The following LIN7A variants were observed in gnomAD, a reference collection of about 807,000 sequenced individuals.
The protein encoded by LIN7A is lin-7 cell polarity scaffold A.
LIN7A carries 25 observed loss-of-function variants against 29.8 expected under a neutral mutation model. That is an observed-to-expected ratio of 0.84 (90% CI 0.61 to 1.17). The LOEUF is 1.17. Among genes scored for constraint, LIN7A ranks in the 50% most tolerant of loss-of-function variants. The pLI, the probability that LIN7A is intolerant of heterozygous loss-of-function variation, is 0.00. For missense variants in LIN7A, 239 were observed against 287.0 expected (o/e 0.83, Z 1.21); for synonymous variants, 118 against 107.5 (o/e 1.10, Z -0.60).
At chr12:80,847,971 G>A (rs1332388624) in intron 3 of LIN7A, 4 of 494,048 alleles carry the variant, frequency 8.1e-6, no homozygotes, top group Non-Finnish European at 1.1e-5. Context: ...AAATCATATA[G>A]TATTTCACAC....
intron 1 of LIN7A, chr12:80,935,787 C>A: frequency 2.0e-6 from 1 of 509,654 alleles, no homozygotes; most frequent in South Asian, 1.4e-5. Flanking sequence ...ACTGCATGTA[C>A]GTAATTACAC....
chr12:80,859,367 T>C (rs4842364), intron 2 of LIN7A, among the ~76,000 whole-genome samples: 64,867 of 152,056 alleles, frequency 0.43, 14,285 homozygotes, highest in East Asian at 0.68. Context: ...CAGACAATGT[T>C]GTTTGAGTCA....
At chr12:80,824,322 T>C (rs902275700) in intron 4 of LIN7A, among the ~76,000 whole-genome samples, 1 of 151,992 alleles carries the variant, frequency 6.6e-6, no homozygotes, top group Non-Finnish European at 1.5e-5. Flanking sequence ...CAGGAAAATA[T>C]AGAATCTCTG....
chr12:80,933,903 T>C (rs149615088), intron 1 of LIN7A, among the ~76,000 whole-genome samples: 32 of 152,300 alleles, frequency 2.1e-4, no homozygotes, highest in African/African-American at 7.0e-4. Flanking sequence ...TGTGTGTTCA[T>C]TGTGTGACTC....
At chr12:80,906,458 T>A (rs1294588894) in intron 1 of LIN7A, among the ~76,000 whole-genome samples, 1 of 152,136 alleles carries the variant, frequency 6.6e-6, no homozygotes, top group Non-Finnish European at 1.5e-5. Flanking sequence ...CTCTTTCACC[T>A]GTTGTCTTTG....
intron 1 of LIN7A, chr12:80,937,277 G>A: frequency 4.5e-6 from 1 of 222,238 alleles, no homozygotes; most frequent in African/African-American, 2.3e-5. Flanking sequence ...GGGCGAGCTT[G>A]CTCTCTGCCC....
In LIN7A at chr12:80,833,098, C is replaced by T. The variant is rs575094677; in HGVS notation, c.483+12632G>A. 7.9e-5 allele frequency among the ~76,000 whole-genome samples: 12 copies of T among 152,320 alleles called. No homozygotes were observed. In the South Asian group the frequency reaches 2.1e-3, roughly 26 times the overall value. ...TTTTTAAGTGTTCTACTTCGAAATG[C>T]TGTCAGTTTGATAGAGCTCAGTTAA... On this transcript the variant is annotated intron_variant, in intron 4 of 5. Transcript: ENST00000552864.
chr12:80,843,525 C>A (rs747414190), intron 4 of LIN7A, among the ~76,000 whole-genome samples: 6 of 152,098 alleles, frequency 3.9e-5, no homozygotes, highest in African/African-American at 1.4e-4. Flanking sequence ...GCAGAGTTTG[C>A]CATAAGACTT....
At chr12:80,893,688 G>A (rs1240560732) in intron 1 of LIN7A, among the ~76,000 whole-genome samples, 1 of 152,132 alleles carries the variant, frequency 6.6e-6, no homozygotes, top group Non-Finnish European at 1.5e-5. Flanking sequence ...GTAGCTAGTG[G>A]GCATGCCTGA....
At chr12:80,839,091 C>T (rs1237165174) in intron 4 of LIN7A, among the ~76,000 whole-genome samples, 2 of 152,128 alleles carry the variant, frequency 1.3e-5, no homozygotes, top group African/African-American at 4.8e-5. Context: ...GTCAAAGTCT[C>T]TTATGAGTAG....
intron 1 of LIN7A, among the ~76,000 whole-genome samples, chr12:80,901,188 A>T (rs372457922): frequency 2.0e-5 from 3 of 152,186 alleles, no homozygotes; most frequent in Non-Finnish European, 2.9e-5. Context: ...TAGCAATATG[A>T]TATAACTCAA....
chr12:80,860,007 A>G (rs1485732961), intron 2 of LIN7A, among the ~76,000 whole-genome samples: 4 of 152,208 alleles, frequency 2.6e-5, no homozygotes, highest in Non-Finnish European at 5.9e-5. Flanking sequence ...TATTACTCCA[A>G]TTTGGATGCA....
chr12:80,854,737 C>T (rs1263398662), intron 2 of LIN7A, among the ~76,000 whole-genome samples: 1 of 151,832 alleles, frequency 6.6e-6, no homozygotes, highest in African/African-American at 2.4e-5. Flanking sequence ...AAAAGTAGAA[C>T]TATTACTGTC....
At chr12:80,807,072 T>TGTTTTTTTTTTTTTTTGTTG (rs777411417) in intron 5 of LIN7A, among the ~76,000 whole-genome samples, 1 of 120,264 alleles carries the variant, frequency 8.3e-6, no homozygotes, top group African/African-American at 3.4e-5. Context: ...AGTTTTTTTT[T>TGTTTTTTTTTTTTTTTGTTG]TTTTTTTTTT....
chr12:80,814,168 GT>G (rs1176531315), intron 4 of LIN7A, among the ~76,000 whole-genome samples: 1 of 152,086 alleles, frequency 6.6e-6, no homozygotes, highest in African/African-American at 2.4e-5. Flanking sequence ...CAACTAATAT[GT>G]TTATTAAGCA....
intron 4 of LIN7A, among the ~76,000 whole-genome samples, chr12:80,820,782 C>G (rs1462109512): frequency 6.6e-6 from 1 of 152,112 alleles, no homozygotes; most frequent in Non-Finnish European, 1.5e-5. Context: ...GTGGGTTTCA[C>G]CCAGGAAGCA....
chr12:80,870,456 A>G (rs1168931395), intron 2 of LIN7A, among the ~76,000 whole-genome samples: 3 of 152,160 alleles, frequency 2.0e-5, no homozygotes, highest in African/African-American at 4.8e-5. Context: ...ATAGACATAC[A>G]AATACTGGGC....
chr12:80,874,894 G>C (rs186941838), intron 2 of LIN7A, among the ~76,000 whole-genome samples: 2 of 152,126 alleles, frequency 1.3e-5, no homozygotes, highest in Non-Finnish European at 2.9e-5. Context: ...TGAGGTACTC[G>C]GGAGGCTGAG....
chr12:80,827,884 C>G (rs1376469563), intron 4 of LIN7A, among the ~76,000 whole-genome samples: 1 of 152,176 alleles, frequency 6.6e-6, no homozygotes, highest in Non-Finnish European at 1.5e-5. Context: ...ATGTCTAATA[C>G]TCTCCCCATC....
Sources: allele counts gnomAD v4.1 joint callset (sites outside exome capture counted in the v4.1 genomes callset), GRCh38; gene constraint gnomAD v4.1.1; transcripts MANE v1.5; gene names NCBI Gene and HGNC (gene_info 2026-07-23, HGNC 2026-07-21).